The following NELL1 variants were observed in gnomAD, a reference collection of about 807,000 sequenced individuals.
NELL1 encodes neural EGFL like 1.
In NELL1, 76 loss-of-function variants were observed where a neutral mutation model predicts 107.4. The ratio of observed to expected loss-of-function variants is 0.71; its 90% CI spans 0.59 to 0.86. The LOEUF (loss-of-function observed/expected upper bound fraction) is 0.86, where lower values mean the gene tolerates loss of function less well. NELL1 is among the 40% of genes least tolerant of loss of function. NELL1 has a pLI of 0.00. For missense variants in NELL1, 1,024 were observed against 1,005.5 expected (o/e 1.02, Z -0.25); for synonymous variants, 353 against 341.2 (o/e 1.03, Z -0.38).
intron 12 of NELL1, among the ~76,000 whole-genome samples, chr11:20,989,102 A>G (rs1324811920): frequency 2.0e-5 from 3 of 152,210 alleles, no homozygotes; most frequent in Non-Finnish European, 2.9e-5. Flanking sequence ...CTATACTCAT[A>G]TAGCCAATAA....
chr11:21,213,287 G>A (rs1857542105), intron 13 of NELL1, among the ~76,000 whole-genome samples: 1 of 152,022 alleles, frequency 6.6e-6, no homozygotes, highest in Admixed American at 6.6e-5. Context: ...ATATAGTAAA[G>A]ATGTCAATTC....
intron 2 of NELL1, among the ~76,000 whole-genome samples, chr11:20,730,407 A>G (rs1421352039): frequency 6.6e-6 from 1 of 152,106 alleles, no homozygotes; most frequent in Non-Finnish European, 1.5e-5. Flanking sequence ...CATATTCCCA[A>G]AGATGTGTGC....
intron 11 of NELL1, among the ~76,000 whole-genome samples, chr11:20,951,092 C>A (rs1851060179): frequency 6.6e-6 from 1 of 152,150 alleles, no homozygotes; most frequent in Non-Finnish European, 1.5e-5. Context: ...AGTCACCTTA[C>A]CTGGGGAGGC....
At chr11:21,410,460 T>A (rs1009137501) in intron 15 of NELL1, among the ~76,000 whole-genome samples, 6 of 151,970 alleles carry the variant, frequency 3.9e-5, no homozygotes, top group African/African-American at 7.2e-5. Flanking sequence ...AGGAGAGGAT[T>A]GTTTTTCCCC....
intron 14 of NELL1, among the ~76,000 whole-genome samples, chr11:21,297,815 G>A (rs1849404972): frequency 6.6e-6 from 1 of 151,914 alleles, no homozygotes; most frequent in Admixed American, 6.6e-5. Context: ...ACAGAGGCGG[G>A]GAAGGGAAAT....
intron 4 of NELL1, among the ~76,000 whole-genome samples, chr11:20,853,133 A>G (rs1848822103): frequency 6.6e-6 from 1 of 152,242 alleles, no homozygotes; most frequent in South Asian, 2.1e-4. Flanking sequence ...AACAAGGTTT[A>G]TCTCACAGGC....
intron 3 of NELL1, among the ~76,000 whole-genome samples, chr11:20,836,512 G>A (rs1485248593): frequency 6.6e-6 from 1 of 151,976 alleles, no homozygotes; most frequent in Non-Finnish European, 1.5e-5. Flanking sequence ...AAGCAACCAA[G>A]TCCTTCAATA....
At chr11:21,207,859 A>G (rs1857421733) in intron 13 of NELL1, among the ~76,000 whole-genome samples, 1 of 152,142 alleles carries the variant, frequency 6.6e-6, no homozygotes, top group South Asian at 2.1e-4. Context: ...TTTTCCATTC[A>G]GTCTTAGATA....
chr11:21,378,638 C>G (rs2133764960), intron 15 of NELL1, among the ~76,000 whole-genome samples: 1 of 151,744 alleles, frequency 6.6e-6, no homozygotes, highest in Non-Finnish European at 1.5e-5. Context: ...TATCCTCTTT[C>G]TTAGAAGAAA....
chr11:20,928,665 C>T (rs574862472), intron 9 of NELL1, among the ~76,000 whole-genome samples, 186 bp downstream of exon 9: 4 of 152,170 alleles, frequency 2.6e-5, no homozygotes, highest in African/African-American at 9.6e-5. Flanking sequence ...AGACACTTAA[C>T]ATGGGCTATT....
intron 12 of NELL1, among the ~76,000 whole-genome samples, chr11:21,049,778 A>G (rs903301630): frequency 3.3e-5 from 5 of 152,068 alleles, no homozygotes; most frequent in South Asian, 2.1e-4. Context: ...CCCAGGTTCA[A>G]GCGATTCTCC....
intron 12 of NELL1, among the ~76,000 whole-genome samples, chr11:21,105,009 C>T (rs1415048005): frequency 6.6e-6 from 1 of 152,158 alleles, no homozygotes; most frequent in Non-Finnish European, 1.5e-5. Context: ...CTCCTAAGGG[C>T]ACCATCTCTA....
At chr11:21,462,629 A>G (rs1018826395) in intron 15 of NELL1, among the ~76,000 whole-genome samples, 7 of 151,970 alleles carry the variant, frequency 4.6e-5, no homozygotes, top group Non-Finnish European at 7.4e-5. Context: ...TTTTTTCTCC[A>G]GGGTTGATTT....
At chr11:21,055,708 G>A (rs940662060) in intron 12 of NELL1, among the ~76,000 whole-genome samples, 1 of 152,086 alleles carries the variant, frequency 6.6e-6, no homozygotes, top group Non-Finnish European at 1.5e-5. Context: ...GTTAAACATG[G>A]CCAAGGTGGG....
intron 15 of NELL1, among the ~76,000 whole-genome samples, chr11:21,525,044 C>T (rs186897210): frequency 1.3e-5 from 2 of 152,186 alleles, no homozygotes; most frequent in East Asian, 3.9e-4. Context: ...TAGAGGTCAG[C>T]TTAGAGATAT....
intron 4 of NELL1, among the ~76,000 whole-genome samples, chr11:20,851,488 A>G (rs1848794906): frequency 6.6e-6 from 1 of 152,096 alleles, no homozygotes; most frequent in South Asian, 2.1e-4. Context: ...TTATATTAAG[A>G]GTTGGCAACA....
At chr11:21,355,149 T>C (rs1850903721) in intron 14 of NELL1, among the ~76,000 whole-genome samples, 1 of 152,222 alleles carries the variant, frequency 6.6e-6, no homozygotes, top group African/African-American at 2.4e-5. Flanking sequence ...TCTTTTATTC[T>C]ATTCCTCTTC....
At position 21,043,445 on chromosome 11, in the gene NELL1, G is replaced by A. The variant is rs143344051; in HGVS notation, c.1301-70144G>A. Among the ~76,000 whole-genome samples the A allele has an allele frequency of 2.5e-3, 386 of 152,262 alleles. 1 individual carries two copies. Among genetic ancestry groups the A allele is most frequent in the Middle Eastern group, 6.8e-3 (2 of 294 alleles). ...TGTGGCTTTTGCTGAGAGAGAAAGGGAGACAGAGGCAGGTCATGATGTGCC... is the reference window on the plus strand; with the variant it reads ...TGTGGCTTTTGCTGAGAGAGAAAGGAAGACAGAGGCAGGTCATGATGTGCC... On this transcript the variant is annotated intron_variant, in intron 12 of 19. Coordinates refer to ENST00000357134, the MANE Select transcript of NELL1 (RefSeq NM_006157.5).
At chr11:21,134,738 C>T (rs565121849) in intron 13 of NELL1, among the ~76,000 whole-genome samples, 2 of 152,122 alleles carry the variant, frequency 1.3e-5, no homozygotes, top group East Asian at 1.9e-4. Context: ...TTGAGAGAGG[C>T]GTATATGCAA....
Sources: gnomAD v4.1 joint callset for allele counts (sites outside exome capture counted in the v4.1 genomes callset) on GRCh38, gnomAD v4.1.1 for gene constraint, MANE v1.5 for transcripts, NCBI Gene and HGNC (gene_info 2026-07-23, HGNC 2026-07-21) for gene names.